Variants in FRK observed in about 807,000 individuals in gnomAD.
The protein encoded by FRK is tyrosine-protein kinase FRK.
In FRK, 51 loss-of-function variants were observed where a neutral mutation model predicts 56.4. The ratio of observed to expected loss-of-function variants is 0.90; its 90% CI spans 0.72 to 1.14. The LOEUF (loss-of-function observed/expected upper bound fraction) is 1.14, where lower values mean the gene tolerates loss of function less well. FRK is among the 50% of genes most tolerant of loss of function. The pLI is 0.00. For missense variants in FRK, 570 were observed against 601.4 expected (o/e 0.95, Z 0.55); for synonymous variants, 245 against 217.9 (o/e 1.12, Z -1.10).
chr6:116,028,517 G>C (rs1776183239), intron 1 of FRK, among the ~76,000 whole-genome samples: 1 of 152,134 alleles, frequency 6.6e-6, no homozygotes, highest in South Asian at 2.1e-4. Flanking sequence ...ATGTCAGCAT[G>C]TTAGCTCCTT....
rs1582620549 is a variant in FRK, at chr6:115,934,316, C to G, written c.*8098G>C. ...AGAACTTATTTTAATCCAATCAGCA[C>G]ATAACATTCACATTAAGCCTATTTT... is the stretch of plus-strand genomic sequence containing the variant. On this transcript the variant is annotated 3_prime_UTR_variant, in exon 8 of 8. Coordinates refer to ENST00000606080, the MANE Select transcript of FRK (RefSeq NM_002031.3). 6.6e-6 allele frequency: 1 copy of G among 152,202 alleles called. No individual in the cohort carries two copies. Among genetic ancestry groups the G allele is most frequent in the African/African-American group, 2.4e-5 (1 of 41,444 alleles). 9.4% of individuals were successfully genotyped at this position (152,202 alleles called of 1,614,324 possible).
At chr6:116,024,371 C>T (rs1243136318) in intron 1 of FRK, among the ~76,000 whole-genome samples, 1 of 151,616 alleles carries the variant, frequency 6.6e-6, no homozygotes. Flanking sequence ...CCCACTAACT[C>T]GTCATCTAGC....
At chr6:116,096,756 C>T in the FRK span, among the ~76,000 whole-genome samples, 2 of 152,240 alleles carry the variant, frequency 1.3e-5, no homozygotes, top group Non-Finnish European at 2.9e-5. Context: ...CCACTCCAGC[C>T]AGCAGCGGCA....
At chr6:115,997,029 C>T (rs9488823) in intron 2 of FRK, among the ~76,000 whole-genome samples, 2,945 of 152,254 alleles carry the variant, frequency 0.019, 98 homozygotes, top group African/African-American at 0.066. Flanking sequence ...AGTTAATCAT[C>T]CATATTATTC....
In FRK at chr6:115,941,943, T is replaced by A. The variant is rs2114504627; in HGVS notation, c.*471A>T. The A allele has an allele frequency of 6.5e-6, 1 of 153,464 alleles. No homozygotes were observed. The highest frequency in any genetic ancestry group is 1.5e-5 in the Non-Finnish European group (1 of 68,772). The allele number at this position is 153,464 out of a possible 1,614,324, so 9.5% of individuals were successfully genotyped here. A position where few individuals can be genotyped will look rare whatever the true frequency, so the allele number is the denominator to read the frequency against. On this transcript the variant is annotated 3_prime_UTR_variant, in exon 8 of 8. Transcript: ENST00000606080. ...GGATATTTTAAAAGAGAAAAAAAAA[T>A]CTCAAAGCACAGGTCCTGCTGTGCA...
At chr6:116,035,554 A>G (rs1335476054) in intron 1 of FRK, among the ~76,000 whole-genome samples, 1 of 152,150 alleles carries the variant, frequency 6.6e-6, no homozygotes, top group East Asian at 1.9e-4. Flanking sequence ...GTCTGCTAAT[A>G]TAACTCACTA....
intron 2 of FRK, among the ~76,000 whole-genome samples, chr6:115,985,165 C>A (rs1208806985): frequency 6.6e-6 from 1 of 152,094 alleles, no homozygotes; most frequent in African/African-American, 2.4e-5. Context: ...ACACTCCCTG[C>A]AGGATCATGG....
Position 116,060,459 on chromosome 6 carries a change from T to A in FRK, c.-148A>T. On this transcript the variant is annotated 5_prime_UTR_variant, in exon 1 of 8. Transcript: ENST00000606080. The stretch of plus-strand genomic sequence containing the variant: ...TATGCAAAGTCCCGTTTCAGATCAG[T>A]CCAGCAGCTGGGTTGCAGCAAGTCC... The A allele has an allele frequency of 1.6e-6, 1 of 638,234 alleles. No homozygotes were observed. The highest frequency in any genetic ancestry group is 2.7e-6 in the Non-Finnish European group (1 of 371,568). 39.5% of individuals were successfully genotyped at this position (638,234 alleles called of 1,614,324 possible). A position where few individuals can be genotyped will look rare whatever the true frequency, so the allele number is the denominator to read the frequency against.
chr6:116,038,653 T>G (rs1776579604), intron 1 of FRK: 1 of 324,302 alleles, frequency 3.1e-6, no homozygotes, highest in Admixed American at 4.0e-5. Flanking sequence ...TTCTTACATT[T>G]TTTTTAACAT....
chr6:115,992,933 T>C (rs1006701529), intron 2 of FRK, among the ~76,000 whole-genome samples: 1 of 151,786 alleles, frequency 6.6e-6, no homozygotes, highest in Non-Finnish European at 1.5e-5. Flanking sequence ...CTATCTATTA[T>C]ATCAAAAAGC....
the FRK span, among the ~76,000 whole-genome samples, chr6:116,085,934 ACATTGACACTTC>A: frequency 0.096 from 14,576 of 152,188 alleles, 874 homozygotes; most frequent in East Asian, 0.18. Flanking sequence ...AATTACACAT[ACATTGACACTTC>A]CATTGTAAGC....
intron 2 of FRK, among the ~76,000 whole-genome samples, chr6:115,982,368 T>C (rs1049217758): frequency 1.3e-5 from 2 of 152,136 alleles, no homozygotes; most frequent in East Asian, 3.8e-4. Context: ...TCATGGGACC[T>C]CTCAGCCTCC....
chr6:116,059,227 G>GCAATATATTTTGCAATATAATTCATATT (rs1407061658), intron 1 of FRK, among the ~76,000 whole-genome samples: 4 of 152,044 alleles, frequency 2.6e-5, no homozygotes, highest in Non-Finnish European at 5.9e-5. Context: ...TTCCTCTTTT[G>GCAATATATTTTGCAATATAATTCATATT]TTGCAATATA....
the FRK span, among the ~76,000 whole-genome samples, chr6:116,078,572 T>C: frequency 3.9e-5 from 6 of 152,240 alleles, no homozygotes; most frequent in African/African-American, 1.4e-4. Context: ...ATACCTTGTT[T>C]TGTTAAATTT....
At chr6:116,022,148 T>C (rs1252217660) in intron 1 of FRK, among the ~76,000 whole-genome samples, 2 of 152,068 alleles carry the variant, frequency 1.3e-5, no homozygotes, top group Admixed American at 6.6e-5. Context: ...AATAACCCTA[T>C]ATTTTTTAAA....
intron 1 of FRK, among the ~76,000 whole-genome samples, chr6:116,021,043 A>T (rs1379176670): frequency 6.6e-6 from 1 of 152,168 alleles, no homozygotes; most frequent in Admixed American, 6.5e-5. Flanking sequence ...TATTTTTATG[A>T]TCCATTAACT....
At chr6:115,953,973 C>T (rs946146904) in intron 5 of FRK, among the ~76,000 whole-genome samples, 4 of 151,748 alleles carry the variant, frequency 2.6e-5, no homozygotes, top group Non-Finnish European at 4.4e-5. Context: ...GCTTAACAGC[C>T]AAGAAGATAA....
At chr6:116,058,018 T>C (rs185824468) in intron 1 of FRK, among the ~76,000 whole-genome samples, 61 of 152,224 alleles carry the variant, frequency 4.0e-4, no homozygotes, top group Admixed American at 5.2e-4. Flanking sequence ...AGGAAATCCA[T>C]TGGTCATGGC....
chr6:116,024,350 G>T (rs990689140), intron 1 of FRK, among the ~76,000 whole-genome samples: 1 of 151,162 alleles, frequency 6.6e-6, no homozygotes, highest in African/African-American at 2.4e-5. Context: ...GTGACATGCT[G>T]GTGCGCTGCA....
Sources: allele counts gnomAD v4.1 joint callset (sites outside exome capture counted in the v4.1 genomes callset), GRCh38; gene constraint gnomAD v4.1.1; transcripts MANE v1.5; gene names NCBI Gene and HGNC (gene_info 2026-07-23, HGNC 2026-07-21).